The following STRN4 variants were observed in gnomAD, a reference collection of about 807,000 sequenced individuals.
The protein encoded by STRN4 is striatin-4.
A neutral mutation model predicts 77.9 loss-of-function variants in STRN4; 27 were observed. The observed-to-expected ratio is 0.35, with a 90% CI of 0.26 to 0.48. STRN4 has a LOEUF of 0.48. Among genes scored for constraint, STRN4 ranks in the 20% least tolerant of loss-of-function variants. STRN4 has a pLI of 0.99. For missense variants in STRN4, 798 were observed against 1,049.7 expected (o/e 0.76, Z 3.31); for synonymous variants, 466 against 443.1 (o/e 1.05, Z -0.65).
chr19:46,728,286 T>C, intron 7 of STRN4: 1 of 592,662 alleles, frequency 1.7e-6, no homozygotes, highest in Non-Finnish European at 3.0e-6. Flanking sequence ...GGGAGGAAGA[T>C]GCGGCCCTCC....
At position 46,723,423 on chromosome 19, in the gene STRN4, CG is replaced by C; in HGVS notation, c.1595-140del. ...CACCCACTTCACACCTGGTGCCCCT[CG>C]GAACTGTCCACTGCCAGGACAGCCC... On this transcript the variant is annotated intron_variant, in intron 12 of 17. Transcript: ENST00000263280. The surrounding 1 kb of genome is among the most constrained non-coding windows in gnomAD (Gnocchi z 5.5). The C allele has an allele frequency of 9.0e-7, 1 of 1,110,416 alleles. No individual in the cohort carries two copies. Among genetic ancestry groups the C allele is most frequent in the Non-Finnish European group, 1.2e-6 (1 of 801,254 alleles). The allele number at this position is 1,110,416 out of a possible 1,614,324, so 68.8% of individuals were successfully genotyped here.
intron 3 of STRN4, 22 bp from the exon 4 acceptor site, chr19:46,736,923 G>A (rs1712837594): frequency 1.9e-6 from 3 of 1,608,970 alleles, no homozygotes; most frequent in Non-Finnish European, 2.5e-6. Context: ...GAGAACGGAG[G>A]CTGTCTTAAG....
At position 46,724,792 on chromosome 19, in the gene STRN4, A is replaced by C. The variant is rs1325002258; in HGVS notation, c.1594+15T>G. ...CCAGTGGATGTGAGGGGAAGGCGGG[A>C]GGCGTTGTCCTCACCGTAGCCATCA... On this transcript the variant is annotated intron_variant, in intron 12 of 17. Coordinates refer to ENST00000263280, the MANE Select transcript of STRN4 (RefSeq NM_013403.3). The C allele has an allele frequency of 6.2e-7, 1 of 1,613,838 alleles. No homozygotes were observed. The highest frequency in any genetic ancestry group is 1.7e-5 in the Admixed American group (1 of 60,008).
In STRN4 at chr19:46,725,461, T is replaced by C; in HGVS notation, c.1424+12A>G. The stretch of plus-strand genomic sequence containing the variant: ...ATGCCCCTGCCCCCGGCTCTGAGCT[T>C]GCTGCCCTCACTTCTTGGCCGTGAC... On this transcript the variant is annotated intron_variant, in intron 10 of 17. Coordinates refer to ENST00000263280, the MANE Select transcript of STRN4 (RefSeq NM_013403.3). 1 of 1,613,876 alleles carries C rather than the reference T, an allele frequency of 6.2e-7. No homozygotes were observed. Among genetic ancestry groups the C allele is most frequent in the Non-Finnish European group, 8.5e-7 (1 of 1,179,910 alleles).
intron 9 of STRN4, 165 bp from the exon 10 acceptor site, chr19:46,725,813 G>C (rs1035905535): frequency 1.2e-6 from 1 of 864,488 alleles, no homozygotes; most frequent in African/African-American, 1.7e-5. Flanking sequence ...CCTCTGCTGG[G>C]CAGAGTCTCC....
chr19:46,726,161 G>A (rs2054107865), intron 9 of STRN4: 1 of 158,286 alleles, frequency 6.3e-6, no homozygotes, highest in Non-Finnish European at 1.4e-5. Flanking sequence ...AGAGGTCAGT[G>A]GTACAGGCTG....
Position 46,723,159 on chromosome 19 carries a change from TG to T in STRN4, c.1719del (p.Ser574AlafsTer71). The T allele has an allele frequency of 6.4e-7, 1 of 1,566,844 alleles. No individual in the cohort carries two copies. Among genetic ancestry groups the T allele is most frequent in the Non-Finnish European group, 8.6e-7 (1 of 1,156,722 alleles). ...SADGTVRIWDPSSSSPACLCT... is the reference protein window; with the variant it reads ...SADGTVRIWDXSSSSPACLCT... ...CAGAGGCAGGCCGGGCTGCTGCTGC[TG>T]GGGTCCCAGATGCGGACGGTGCCAT... On this transcript the variant is annotated frameshift_variant, in exon 13 of 18. Transcript: ENST00000263280. LOFTEE classifies it high-confidence loss of function. This position sits in a 1 kb window ranked among gnomAD's most constrained non-coding sequence, Gnocchi z 5.5.
At chr19:46,726,953 T>C (rs2122258165) in intron 9 of STRN4, among the ~76,000 whole-genome samples, 1 of 152,130 alleles carries the variant, frequency 6.6e-6, no homozygotes. Context: ...TTCCTGAATC[T>C]CACAGCAGTC....
Position 46,722,032 on chromosome 19 carries a change from G to A in STRN4, c.2046C>T (p.Val682=). 6.2e-7 allele frequency: 1 copy of A among 1,613,580 alleles called. No individual in the cohort carries two copies. The highest frequency in any genetic ancestry group is 8.5e-7 in the Non-Finnish European group (1 of 1,180,036). Residue 682 remains valine, a synonymous_variant, in exon 16 of 18, where the codon GTC becomes GTT. Coordinates refer to ENST00000263280, the MANE Select transcript of STRN4 (RefSeq NM_013403.3). ...CGTTGGGGTCCACGGCTAGGCAGGTGACTGCGTCCAGGTGTGCAACCATGG... is the reference window on the plus strand; with the variant it reads ...CGTTGGGGTCCACGGCTAGGCAGGTAACTGCGTCCAGGTGTGCAACCATGG... ...VHSMVAHLDA[V]TCLAVDPNGA...
rs1032725090 is a variant in STRN4, at chr19:46,741,836, G to C, written c.283-2948C>G. 6.6e-6 allele frequency among the ~76,000 whole-genome samples: 1 copy of C among 152,172 alleles called. No individual in the cohort carries two copies. Among genetic ancestry groups the C allele is most frequent in the Non-Finnish European group, 1.5e-5 (1 of 68,040 alleles). ...GCTAGCTGGGAAGAGTCCCCGTTTC[G>C]TGCCATCTAGCCCTGCATCTCCTAA... On this transcript the variant is annotated intron_variant, in intron 1 of 17. Transcript: ENST00000263280. The surrounding 1 kb of genome is among the most constrained non-coding windows in gnomAD (Gnocchi z 4.9).
intron 11 of STRN4, 134 bp from the exon 12 acceptor site, chr19:46,725,062 T>C: frequency 7.2e-7 from 1 of 1,386,160 alleles, no homozygotes; most frequent in South Asian, 1.3e-5. Context: ...CTGGCCATGC[T>C]ACCTGGACAA....
rs980389371 is a variant in STRN4 at position 46,720,231 on chromosome 19, G to A, written c.*174C>T. ...TCCCCAGGCTGGATGCTTGGGGAAG[G>A]CAGCCGTTGGGGAGGGATTCCTGGG... is the stretch of plus-strand genomic sequence containing the variant. On this transcript the variant is annotated 3_prime_UTR_variant, in exon 18 of 18. Coordinates refer to ENST00000263280, the MANE Select transcript of STRN4 (RefSeq NM_013403.3). 2.2e-5 allele frequency: 4 copies of A among 179,942 alleles called. No homozygotes were observed. The highest frequency in any genetic ancestry group is 1.3e-4 in the Admixed American group (2 of 15,984). The allele number at this position is 179,942 out of a possible 1,614,324, so 11.1% of individuals were successfully genotyped here.
Position 46,746,194 on chromosome 19 carries a change from G to A in STRN4, c.237C>T (p.Phe79=). The change falls in exon 1 of 18, where the codon TTC becomes TTT. Residue 79 remains phenylalanine, a synonymous_variant. Coordinates refer to ENST00000263280, the MANE Select transcript of STRN4 (RefSeq NM_013403.3). ...CCTCCCAGCGGGCTTTCTCGGCTTC[G>A]AAGCGCGCCCACTCGTGCTGGATAA... ...LHFIQHEWAR[F]EAEKARWEAE... The A allele has an allele frequency of 6.5e-7, 1 of 1,539,948 alleles. No individual in the cohort carries two copies. The highest frequency in any genetic ancestry group is 8.7e-7 in the Non-Finnish European group (1 of 1,151,488).
rs1394108601 is a variant in STRN4, at chr19:46,733,272, C to T, written c.540-36G>A. 1 of 1,592,990 alleles carries T rather than the reference C, an allele frequency of 6.3e-7. No individual in the cohort carries two copies. Among genetic ancestry groups the T allele is most frequent in the East Asian group, 2.2e-5 (1 of 44,470 alleles). On this transcript the variant is annotated intron_variant, in intron 4 of 17. Coordinates refer to ENST00000263280, the MANE Select transcript of STRN4 (RefSeq NM_013403.3). The surrounding 1 kb of genome is among the most constrained non-coding windows in gnomAD (Gnocchi z 4.3). Reference sequence around the variant, plus strand: ...GCAGAGCCACGTGGGTCAGACATCCCCTGGGCTTCTTCATGTACCACAGGG... The same window carrying T: ...GCAGAGCCACGTGGGTCAGACATCCTCTGGGCTTCTTCATGTACCACAGGG...
At position 46,743,254 on chromosome 19, in the gene STRN4, A is replaced by T. The variant is rs368790388; in HGVS notation, c.282+2895T>A. 2.4e-4 allele frequency among the ~76,000 whole-genome samples: 36 copies of T among 150,738 alleles called. No homozygotes were observed. The South Asian group carries it at 6.9e-3, about 29-fold the overall frequency. ...CATATATATGTGTATACACACACTC[A>T]CACACACACACACACCCCTCTGAGA... On this transcript the variant is annotated intron_variant, in intron 1 of 17. Coordinates refer to ENST00000263280, the MANE Select transcript of STRN4 (RefSeq NM_013403.3).
rs1242752357 is a variant in STRN4, at chr19:46,725,389, G to A, written c.1425-10C>T. The A allele has an allele frequency of 3.1e-6, 5 of 1,614,022 alleles. No individual in the cohort carries two copies. Among genetic ancestry groups the A allele is most frequent in the Non-Finnish European group, 3.4e-6 (4 of 1,180,048 alleles). On this transcript the variant is annotated splice_polypyrimidine_tract_variant and intron_variant, in intron 10 of 17. Coordinates refer to ENST00000263280, the MANE Select transcript of STRN4 (RefSeq NM_013403.3). ...ATCTAGCGCCGCATTCCTGTGGGAT[G>A]ACAGAGGAGCCTGATGTCACTGAGA... is the stretch of plus-strand genomic sequence containing the variant.
chr19:46,724,450 G>A (rs77696598), intron 12 of STRN4, among the ~76,000 whole-genome samples: 13 of 152,238 alleles, frequency 8.5e-5, no homozygotes, highest in East Asian at 1.9e-4. Flanking sequence ...AGACCCTGGC[G>A]GATCCCCACA....
intron 16 of STRN4, 145 bp from the exon 17 acceptor site, chr19:46,720,916 G>T: frequency 1.1e-6 from 1 of 944,958 alleles, no homozygotes; most frequent in Non-Finnish European, 1.5e-6. Context: ...ATCACCTCCT[G>T]TGGCCCGCCC....
Position 46,738,805 on chromosome 19 carries a change from C to T in STRN4, c.366G>A (p.Glu122=), listed in dbSNP as rs762285506. The T allele has an allele frequency of 4.6e-5, 75 of 1,614,078 alleles. 2 individuals are homozygous for T. The South Asian group carries it at 7.0e-4, about 15-fold the overall frequency. The change falls in exon 2 of 18, where the codon GAG becomes GAA. Residue 122 remains glutamate, a synonymous_variant. Transcript: ENST00000263280. The surrounding 1 kb of genome is among the most constrained non-coding windows in gnomAD (Gnocchi z 4.5). ...CTCACCTTTCCTGCTTCAGCGCATA[C>T]TCTAGCATCTTGATCCGCCGCACCA... The part of the protein sequence containing the change: ...TDLVRRIKML[E]YALKQERAKY...
Sources: gnomAD v4.1 joint callset for allele counts (sites outside exome capture counted in the v4.1 genomes callset) on GRCh38, gnomAD v4.1.1 for gene constraint, Gnocchi (gnomAD v3.1) non-coding constraint, MANE v1.5 for transcripts, NCBI Gene and HGNC (gene_info 2026-07-23, HGNC 2026-07-21) for gene names.